AGBL4: variants seen among roughly 807,000 people sequenced by gnomAD.
AGBL4 encodes the protein cytosolic carboxypeptidase 6.
In AGBL4, 58 loss-of-function variants were observed where a neutral mutation model predicts 66.4. The ratio of observed to expected loss-of-function variants is 0.87; its 90% confidence interval spans 0.71 to 1.09. AGBL4 has a LOEUF of 1.09. AGBL4 is among the 50% of genes least tolerant of loss of function. AGBL4 has a pLI of 0.00. For synonymous variants in AGBL4, 234 were observed against 222.9 expected (o/e 1.05, Z -0.44); for missense variants, 579 against 631.0 (o/e 0.92, Z 0.88).
intron 1 of AGBL4, among the ~76,000 whole-genome samples, chr1:50,021,778 T>C (rs568108313): frequency 3.9e-5 from 6 of 152,346 alleles, no homozygotes; most frequent in Non-Finnish European, 8.8e-5. Flanking sequence ...CTCTCCACAT[T>C]GTAGCCAGAG....
intron 3 of AGBL4, among the ~76,000 whole-genome samples, chr1:49,666,420 G>T (rs1646370048): frequency 6.6e-6 from 1 of 151,884 alleles, no homozygotes; most frequent in Non-Finnish European, 1.5e-5. Flanking sequence ...ACACAAATTA[G>T]CCAGGGGTGG....
intron 3 of AGBL4, among the ~76,000 whole-genome samples, chr1:49,411,836 G>A (rs1213294626): frequency 6.6e-6 from 1 of 152,160 alleles, no homozygotes; most frequent in African/African-American, 2.4e-5. Context: ...GACTAGAGGG[G>A]AACACATTGG....
At chr1:48,565,554 T>A (rs12117108) in intron 11 of AGBL4, among the ~76,000 whole-genome samples, 6,552 of 152,190 alleles carry the variant, frequency 0.043, 204 homozygotes, top group East Asian at 0.1. Flanking sequence ...TCCATTTACT[T>A]CTCTTTTCTC....
intron 1 of AGBL4, among the ~76,000 whole-genome samples, chr1:49,939,290 T>C (rs567147410): frequency 1.5e-3 from 229 of 150,428 alleles, no homozygotes; most frequent in African/African-American, 3.4e-3. Context: ...AGGTAATTTA[T>C]AGATTCAATG....
intron 2 of AGBL4, among the ~76,000 whole-genome samples, chr1:49,727,499 T>C (rs1649120429): frequency 1.3e-5 from 2 of 152,168 alleles, no homozygotes; most frequent in Non-Finnish European, 2.9e-5. Flanking sequence ...TAAGAGTCTC[T>C]GAGGCTATTT....
At chr1:48,660,720 G>A (rs1415094287) in intron 7 of AGBL4, among the ~76,000 whole-genome samples, 1 of 152,186 alleles carries the variant, frequency 6.6e-6, no homozygotes, top group East Asian at 1.9e-4. Flanking sequence ...TTGGGGAGAT[G>A]GACTCCAGAA....
chr1:49,666,983 T>G (rs1205337151), intron 3 of AGBL4, among the ~76,000 whole-genome samples: 1 of 152,156 alleles, frequency 6.6e-6, no homozygotes, highest in Non-Finnish European at 1.5e-5. Flanking sequence ...TAAGAAGACC[T>G]GGATTATTGA....
rs548528370 is a variant in AGBL4, at chr1:48,953,421, C to T, written c.595-86191G>A. Among the ~76,000 whole-genome samples, 6 of 152,284 alleles carry T rather than the reference C, an allele frequency of 3.9e-5. 1 individual carries two copies. In the South Asian group the frequency reaches 1.2e-3, roughly 32 times the overall value. ...CTGCCTAGGCCTTACAACTTGCTTGCCTCAGAATTGATTGCTTGTGTGGTG... is the reference window on the plus strand; with the variant it reads ...CTGCCTAGGCCTTACAACTTGCTTGTCTCAGAATTGATTGCTTGTGTGGTG... On this transcript the variant is annotated intron_variant, in intron 5 of 13. Coordinates refer to ENST00000371839, the MANE Select transcript of AGBL4 (RefSeq NM_032785.4).
intron 4 of AGBL4, among the ~76,000 whole-genome samples, chr1:49,095,890 G>T (rs1269792141): frequency 4.6e-5 from 7 of 151,854 alleles, no homozygotes; most frequent in African/African-American, 1.7e-4. Flanking sequence ...ACTACCATCA[G>T]AGTGAACAGG....
At chr1:49,593,571 T>G (rs1172182410) in intron 3 of AGBL4, among the ~76,000 whole-genome samples, 2 of 152,182 alleles carry the variant, frequency 1.3e-5, no homozygotes, top group African/African-American at 2.4e-5. Flanking sequence ...TTAAATTACT[T>G]ACATATAGCA....
chr1:48,579,572 C>T (rs1056747523), intron 11 of AGBL4, among the ~76,000 whole-genome samples: 2 of 151,202 alleles, frequency 1.3e-5, no homozygotes, highest in Non-Finnish European at 2.9e-5. Flanking sequence ...AACTGGGCAT[C>T]TTACTTGACT....
intron 2 of AGBL4, among the ~76,000 whole-genome samples, chr1:49,742,116 T>C (rs1650550180): frequency 6.6e-6 from 1 of 152,206 alleles, no homozygotes. Flanking sequence ...AAATTATCCC[T>C]GTTTGCAGAT....
At chr1:49,185,766 C>A (rs1011340402) in intron 4 of AGBL4, among the ~76,000 whole-genome samples, 1 of 152,118 alleles carries the variant, frequency 6.6e-6, no homozygotes, top group Non-Finnish European at 1.5e-5. Flanking sequence ...TCCCCGCCCT[C>A]GCATCTCTTT....
chr1:48,676,127 T>C (rs1292145989), intron 6 of AGBL4, among the ~76,000 whole-genome samples: 1 of 152,234 alleles, frequency 6.6e-6, no homozygotes, highest in Admixed American at 6.5e-5. Flanking sequence ...CCTAGGTAAG[T>C]GGCTCCGCCA....
chr1:49,843,150 G>A (rs145838058), intron 2 of AGBL4, among the ~76,000 whole-genome samples: 76 of 152,212 alleles, frequency 5.0e-4, no homozygotes, highest in African/African-American at 1.6e-3. Context: ...AATAACAGAC[G>A]GGGTGTTGCT....
chr1:49,791,840 T>A (rs1334744419), intron 2 of AGBL4, among the ~76,000 whole-genome samples: 1 of 152,144 alleles, frequency 6.6e-6, no homozygotes, highest in Non-Finnish European at 1.5e-5. Context: ...ATTATATGTG[T>A]GTTCATTAAT....
chr1:49,537,324 C>T lies in AGBL4; in HGVS notation c.282+159989G>A, dbSNP rs192864445. 5.9e-5 allele frequency among the ~76,000 whole-genome samples: 9 copies of T among 152,182 alleles called. No homozygotes were observed. In the East Asian group the frequency reaches 1.7e-3, roughly 29 times the overall value. ...TAACTAAACTAAAAAAACTTCTGCT[C>T]AGCAAAAGAAATAACAGAGTGAACA... On this transcript the variant is annotated intron_variant, in intron 3 of 13. Coordinates refer to ENST00000371839, the MANE Select transcript of AGBL4 (RefSeq NM_032785.4).
intron 6 of AGBL4, among the ~76,000 whole-genome samples, chr1:48,710,391 A>AC (rs58228056): frequency 0.039 from 5,871 of 152,220 alleles, 336 homozygotes; most frequent in African/African-American, 0.12. Flanking sequence ...GAAAAGCCTA[A>AC]AGGTGGGAAC....
At chr1:49,485,554 A>C (rs996780710) in intron 3 of AGBL4, among the ~76,000 whole-genome samples, 3 of 151,522 alleles carry the variant, frequency 2.0e-5, no homozygotes, top group Non-Finnish European at 4.4e-5. Context: ...ACATGTATAC[A>C]TATGTAACTA....
Sources: gnomAD v4.1 joint callset for allele counts (sites outside exome capture counted in the v4.1 genomes callset) on GRCh38, gnomAD v4.1.1 for gene constraint, MANE v1.5 for transcripts, NCBI Gene and HGNC (gene_info 2026-07-23, HGNC 2026-07-21) for gene names.